Variants in ARHGEF18 observed in about 807,000 individuals in gnomAD.
The protein encoded by ARHGEF18 is Rho/Rac guanine nucleotide exchange factor 18, also known as rho guanine nucleotide exchange factor 18.
A neutral mutation model predicts 155.7 loss-of-function variants in ARHGEF18; 93 were observed. The observed-to-expected ratio is 0.60, with a 90% CI of 0.50 to 0.71. ARHGEF18 has a LOEUF of 0.71. Ranked by LOEUF, ARHGEF18 falls within the 30% of genes least tolerant of loss-of-function variation. The pLI, the probability that ARHGEF18 is intolerant of heterozygous loss-of-function variation, is 0.00. For missense variants in ARHGEF18, 1,593 were observed against 1,816.1 expected, an observed-to-expected ratio of 0.88 and a Z score of 2.23; for synonymous variants, 742 against 753.1, an observed-to-expected ratio of 0.99 and a Z score of 0.24.
chr19:7,467,939 C>T (rs1814707717), intron 26 of ARHGEF18, among the ~76,000 whole-genome samples: 1 of 152,198 alleles, frequency 6.6e-6, no homozygotes, highest in Non-Finnish European at 1.5e-5. Context: ...AAAATGCACT[C>T]CTGTAATCCC....
At chr19:7,477,669 ACTC>A in the ARHGEF18 span, among the ~76,000 whole-genome samples, 1 of 151,552 alleles carries the variant, frequency 6.6e-6, no homozygotes, top group African/African-American at 2.4e-5. Flanking sequence ...TCCACACCTC[ACTC>A]CTCGTCCTGA....
chr19:7,397,076 T>C (rs1377783418), intron 10 of ARHGEF18, among the ~76,000 whole-genome samples: 1 of 138,628 alleles, frequency 7.2e-6, no homozygotes, highest in Non-Finnish European at 1.5e-5. Context: ...CCTATTTCTG[T>C]AGGTCAGCAA....
chr19:7,356,518 C>A (rs565750588), intron 1 of ARHGEF18, among the ~76,000 whole-genome samples: 3 of 152,162 alleles, frequency 2.0e-5, no homozygotes, highest in South Asian at 4.2e-4. Context: ...AGGTGATCCA[C>A]CTGCCTCGGC....
intron 1 of ARHGEF18, among the ~76,000 whole-genome samples, chr19:7,354,768 CA>C (rs1969243107): frequency 6.6e-6 from 1 of 151,654 alleles, no homozygotes; most frequent in Non-Finnish European, 1.5e-5. Flanking sequence ...AGTGTGGTGG[CA>C]CACACCTGTA....
At chr19:7,397,450 G>A (rs937482122) in intron 10 of ARHGEF18, among the ~76,000 whole-genome samples, 5 of 151,764 alleles carry the variant, frequency 3.3e-5, no homozygotes, top group Non-Finnish European at 7.4e-5. Flanking sequence ...AAATTTTTTG[G>A]GCCGGGTGCG....
At chr19:7,412,578 C>T (rs1050281216) in intron 10 of ARHGEF18, among the ~76,000 whole-genome samples, 1 of 151,636 alleles carries the variant, frequency 6.6e-6, no homozygotes, top group African/African-American at 2.4e-5. Context: ...CCCGTCTTTA[C>T]TAAAAATACA....
intron 10 of ARHGEF18, among the ~76,000 whole-genome samples, chr19:7,399,977 C>T (rs992551934): frequency 4.6e-5 from 7 of 151,964 alleles, no homozygotes; most frequent in African/African-American, 1.7e-4. Context: ...GATAGGGTTG[C>T]CCAGGCTGGT....
chr19:7,382,752 C>T, intron 8 of ARHGEF18, 40 bp from the exon 9 acceptor site: 3 of 1,223,648 alleles, frequency 2.5e-6, no homozygotes, highest in Non-Finnish European at 3.1e-6. Flanking sequence ...TCAGAATGGC[C>T]CCTGGCCCCC....
chr19:7,350,551 TG>T (rs1325337451), intron 1 of ARHGEF18, among the ~76,000 whole-genome samples: 1 of 152,186 alleles, frequency 6.6e-6, no homozygotes, highest in African/African-American at 2.4e-5. Context: ...TGGTCTGGGC[TG>T]TCTCCCATGC....
intron 10 of ARHGEF18, among the ~76,000 whole-genome samples, chr19:7,388,851 G>A (rs1157864534): frequency 6.6e-6 from 1 of 152,076 alleles, no homozygotes; most frequent in East Asian, 1.9e-4. Flanking sequence ...AAAATGCTAG[G>A]ATTACAGGCA....
intron 10 of ARHGEF18, among the ~76,000 whole-genome samples, chr19:7,389,895 A>G (rs1388029050): frequency 6.6e-6 from 1 of 152,016 alleles, no homozygotes; most frequent in Non-Finnish European, 1.5e-5. Flanking sequence ...GAAAGATTTG[A>G]GTTTGTGTGA....
intron 18 of ARHGEF18, 97 bp from the exon 19 acceptor site, chr19:7,458,415 C>T (rs759613794): frequency 7.0e-6 from 8 of 1,137,722 alleles, no homozygotes; most frequent in Non-Finnish European, 9.9e-6. Flanking sequence ...GGAGCGTGAC[C>T]CCCACTCTTA....
In ARHGEF18 at chr19:7,413,369, T is replaced by C. The variant is rs188776897; in HGVS notation, c.968-26975T>C. Among the ~76,000 whole-genome samples, 116 of 151,110 alleles carry C rather than the reference T, an allele frequency of 7.7e-4. 1 individual carries two copies. In the East Asian group the frequency reaches 0.017, roughly 22 times the overall value. ...CAGGCTGGAGTGCAGTGGCACGATC[T>C]CGGCTCACTGCAAGCTCCACCTCCT... On this transcript the variant is annotated intron_variant, in intron 10 of 28. Transcript: ENST00000668164.
intron 10 of ARHGEF18, among the ~76,000 whole-genome samples, chr19:7,389,045 G>A (rs1568289067): frequency 6.6e-6 from 1 of 151,980 alleles, no homozygotes; most frequent in East Asian, 1.9e-4. Flanking sequence ...GAGTGCGGTG[G>A]CACGATCACA....
At chr19:7,349,361 A>G (rs1969103546) in intron 1 of ARHGEF18, 120 bp downstream of exon 1, 1 of 152,402 alleles carries the variant, frequency 6.6e-6, no homozygotes, top group African/African-American at 2.4e-5. Flanking sequence ...TCCCCCTTGC[A>G]GTCAACTTGC....
chr19:7,397,504 G>GC (rs1404946215), intron 10 of ARHGEF18, among the ~76,000 whole-genome samples: 1 of 151,946 alleles, frequency 6.6e-6, no homozygotes, highest in African/African-American at 2.4e-5. Context: ...GGCCCGGGGG[G>GC]GGGCAGATCA....
intron 15 of ARHGEF18, among the ~76,000 whole-genome samples, chr19:7,450,766 G>A (rs796862780): frequency 1.5e-3 from 8 of 5,172 alleles, no homozygotes; most frequent in East Asian, 0.016. Flanking sequence ...CTTGCTGTCC[G>A]TTTCCACGGT....
chr19:7,466,952 T>G lies in ARHGEF18; in HGVS notation c.2939T>G (p.Leu980Arg), dbSNP rs1222372789. 2 of 1,613,524 alleles carry G rather than the reference T, an allele frequency of 1.2e-6. No homozygotes were observed. Among genetic ancestry groups the G allele is most frequent in the East Asian group, 2.2e-5 (1 of 44,878 alleles). The part of the protein sequence containing the change: ...EAPGTESDPR[L>R]PTVLESELVQ... ...CCAGGCACGGAATCCGATCCCCGTC[T>G]GCCCACCGTCCTGGAGTCGGAGGTA... Residue 980 changes from leucine (L) to arginine (R), a missense_variant, in exon 24 of 29, where the codon CTG becomes CGG. By Grantham distance (102) the Leu-to-Arg change is moderately radical. Coordinates refer to ENST00000668164, the MANE Select transcript of ARHGEF18 (RefSeq NM_001367823.1).
At chr19:7,426,640 C>G (rs115604067) in intron 10 of ARHGEF18, among the ~76,000 whole-genome samples, 1,671 of 152,250 alleles carry the variant, frequency 0.011, 41 homozygotes, top group African/African-American at 0.037. Context: ...TCCCCTTATG[C>G]AAAATCACGT....
Sources: gnomAD v4.1 joint callset for allele counts (sites outside exome capture counted in the v4.1 genomes callset) on GRCh38, gnomAD v4.1.1 for gene constraint, MANE v1.5 for transcripts, NCBI Gene and HGNC (gene_info 2026-07-23, HGNC 2026-07-21) for gene names.